Variants in ZFHX3 observed in about 807,000 individuals in gnomAD.
ZFHX3 encodes zinc finger homeobox protein 3.
A neutral mutation model predicts 279.1 loss-of-function variants in ZFHX3; 42 were observed. That is an observed-to-expected ratio of 0.15 (90% CI 0.12 to 0.19). ZFHX3 has a LOEUF of 0.19. ZFHX3 is among the 10% of genes least tolerant of loss of function. The pLI, the probability that ZFHX3 is intolerant of heterozygous loss-of-function variation, is 1.00. For missense variants in ZFHX3, 4,981 were observed against 4,754.0 expected, an observed-to-expected ratio of 1.05 and a Z score of -1.40; for synonymous variants, 2,293 against 1,957.8, an observed-to-expected ratio of 1.17 and a Z score of -4.52.
intron 1 of ZFHX3, among the ~76,000 whole-genome samples, chr16:73,787,985 G>C (rs1959704435): frequency 6.6e-6 from 1 of 152,138 alleles, no homozygotes; most frequent in African/African-American, 2.4e-5. Context: ...GTTTAACAAA[G>C]GGACTGTTTG....
chr16:73,740,515 G>T (rs1274987020), intron 1 of ZFHX3, among the ~76,000 whole-genome samples: 1 of 151,844 alleles, frequency 6.6e-6, no homozygotes, highest in Non-Finnish European at 1.5e-5. Context: ...TTGGCCCTTT[G>T]CTTCTCAAAT....
At chr16:73,710,213 A>G (rs1338215323) in intron 1 of ZFHX3, among the ~76,000 whole-genome samples, 2 of 152,190 alleles carry the variant, frequency 1.3e-5, no homozygotes, top group African/African-American at 4.8e-5. Context: ...AAGAAATAAA[A>G]ATTAAATAAA....
chr16:72,968,112 G>A (rs964341767), intron 1 of ZFHX3, among the ~76,000 whole-genome samples: 4 of 151,900 alleles, frequency 2.6e-5, no homozygotes, highest in Admixed American at 6.6e-5. Flanking sequence ...GGGGCAAACA[G>A]ACGTCATGTG....
intron 5 of ZFHX3, among the ~76,000 whole-genome samples, chr16:73,225,341 T>G (rs2012559977): frequency 6.6e-6 from 1 of 152,028 alleles, no homozygotes; most frequent in Admixed American, 6.6e-5. Flanking sequence ...GAGGGCCTGG[T>G]GTGGTGGCTC....
chr16:72,855,316 C>T (rs975297277), intron 4 of ZFHX3, among the ~76,000 whole-genome samples: 7 of 152,188 alleles, frequency 4.6e-5, no homozygotes, highest in East Asian at 3.9e-4. Context: ...CGCTGGAGCG[C>T]GTGCACGCGT....
At chr16:72,798,830 G>A (rs1254358369) in intron 8 of ZFHX3, 116 bp from the exon 9 acceptor site, 14 of 1,430,996 alleles carry the variant, frequency 9.8e-6, no homozygotes, top group Non-Finnish European at 1.2e-5. Context: ...GATGATGAGG[G>A]AAGTGCCCAA....
At chr16:73,853,564 AAACT>A (rs1961643633) in intron 1 of ZFHX3, among the ~76,000 whole-genome samples, 1 of 152,224 alleles carries the variant, frequency 6.6e-6, no homozygotes, top group Non-Finnish European at 1.5e-5. Context: ...CATCCTAAGC[AAACT>A]AACTGAGAAA....
intron 1 of ZFHX3, among the ~76,000 whole-genome samples, chr16:73,880,455 A>T (rs2030108688): frequency 6.6e-6 from 1 of 152,204 alleles, no homozygotes; most frequent in Admixed American, 6.5e-5. Context: ...GTAATTTGCA[A>T]CTTCAATGTG....
intron 3 of ZFHX3, among the ~76,000 whole-genome samples, chr16:73,437,963 G>C (rs562026091): frequency 6.6e-6 from 1 of 152,206 alleles, no homozygotes; most frequent in African/African-American, 2.4e-5. Flanking sequence ...CTGTAATAAG[G>C]ATGATATTCT....
intron 3 of ZFHX3, among the ~76,000 whole-genome samples, chr16:73,412,377 C>T (rs1343002515): frequency 6.6e-6 from 1 of 151,778 alleles, no homozygotes; most frequent in African/African-American, 2.4e-5. Flanking sequence ...TGTTTGTCTC[C>T]TGAAGTCCCT....
At chr16:73,584,321 T>A (rs1041098704) in intron 2 of ZFHX3, among the ~76,000 whole-genome samples, 1 of 152,012 alleles carries the variant, frequency 6.6e-6, no homozygotes, top group African/African-American at 2.4e-5. Flanking sequence ...TAACAGTAAA[T>A]CCATATCTAA....
intron 3 of ZFHX3, among the ~76,000 whole-genome samples, chr16:72,939,390 A>G (rs888412407): frequency 1.3e-5 from 2 of 152,228 alleles, no homozygotes; most frequent in African/African-American, 4.8e-5. Context: ...GTTCGAAACC[A>G]GCAAGACATG....
At chr16:72,843,998 C>T (rs2037414978) in intron 4 of ZFHX3, among the ~76,000 whole-genome samples, 1 of 152,152 alleles carries the variant, frequency 6.6e-6, no homozygotes, top group African/African-American at 2.4e-5. Flanking sequence ...AGCTCTCTCT[C>T]CCCCTCTCCT....
intron 1 of ZFHX3, among the ~76,000 whole-genome samples, chr16:72,998,036 T>A (rs1195098285): frequency 6.6e-6 from 1 of 151,838 alleles, no homozygotes; most frequent in Non-Finnish European, 1.5e-5. Flanking sequence ...GAGCCATGAT[T>A]GCACCACTGT....
At chr16:73,330,975 A>G (rs192193627) in intron 3 of ZFHX3, among the ~76,000 whole-genome samples, 31 of 152,150 alleles carry the variant, frequency 2.0e-4, no homozygotes, top group Non-Finnish European at 3.7e-4. Context: ...TCAGGGGAAA[A>G]TCTGTGGGCA....
At chr16:73,236,282 T>C (rs1457686234) in intron 5 of ZFHX3, among the ~76,000 whole-genome samples, 8 of 152,200 alleles carry the variant, frequency 5.3e-5, no homozygotes, top group Non-Finnish European at 1.2e-4. Flanking sequence ...GCAGGCATGA[T>C]GTAATGCCAT....
intron 3 of ZFHX3, among the ~76,000 whole-genome samples, chr16:72,902,913 C>T (rs964235320): frequency 2.6e-5 from 4 of 152,170 alleles, no homozygotes; most frequent in Non-Finnish European, 5.9e-5. Flanking sequence ...ACAAAAACCG[C>T]CACTCTGAGG....
intron 3 of ZFHX3, among the ~76,000 whole-genome samples, chr16:73,394,772 C>T (rs894814570): frequency 6.6e-6 from 1 of 151,950 alleles, no homozygotes; most frequent in Non-Finnish European, 1.5e-5. Context: ...AACTCTGTAC[C>T]CCTTAGATAA....
intron 3 of ZFHX3, among the ~76,000 whole-genome samples, chr16:73,422,715 C>T (rs996561152): frequency 6.6e-6 from 1 of 152,156 alleles, no homozygotes; most frequent in Non-Finnish European, 1.5e-5. Flanking sequence ...TTGCTCTATT[C>T]CTTCCTCTTA....
Sources: allele counts gnomAD v4.1 joint callset (sites outside exome capture counted in the v4.1 genomes callset), GRCh38; gene constraint gnomAD v4.1.1; transcripts MANE v1.5; gene names NCBI Gene and HGNC (gene_info 2026-07-23, HGNC 2026-07-21).